Variants in ADAMTS7 observed in about 807,000 individuals in gnomAD.
ADAMTS7 encodes A disintegrin and metalloproteinase with thrombospondin motifs 7.
ADAMTS7 carries 89 observed loss-of-function variants against 172.6 expected under a neutral mutation model. That is an observed-to-expected ratio of 0.52 (90% CI 0.43 to 0.61). The LOEUF (loss-of-function observed/expected upper bound fraction) is 0.61. ADAMTS7 is among the 20% of genes least tolerant of loss of function. The pLI is 0.00. For synonymous variants in ADAMTS7, 885 were observed against 978.4 expected (o/e 0.90, Z 1.78); for missense variants, 1,973 against 2,355.6 (o/e 0.84, Z 3.36).
At chr15:78,802,814 T>C (rs997546248) in intron 1 of ADAMTS7, among the ~76,000 whole-genome samples, 3 of 152,054 alleles carry the variant, frequency 2.0e-5, no homozygotes, top group African/African-American at 7.2e-5. Flanking sequence ...CTGGCCAACA[T>C]AGTGAAACCC....
chr15:78,777,576 G>T lies in ADAMTS7; in HGVS notation c.1335C>A (p.Gly445=). 4 of 1,605,718 alleles carry T rather than the reference G, an allele frequency of 2.5e-6. No homozygotes were observed. The highest frequency in any genetic ancestry group is 3.4e-6 in the Non-Finnish European group (4 of 1,176,432). The change falls in exon 9 of 24, where the codon GGC becomes GGA. Residue 445 remains glycine, a synonymous_variant. Coordinates refer to ENST00000388820, the MANE Select transcript of ADAMTS7 (RefSeq NM_014272.5). The part of the protein sequence containing the change: ...YITRFLDRGW[G]LCLDDPPAKD... ...TGGCAGGAGGGTCGTCCAGGCACAG[G>T]CCCCACCCACGGCTAAAGATGGGAC... is the stretch of plus-strand genomic sequence containing the variant.
rs1158483190 is a variant in ADAMTS7, at chr15:78,766,954, T to C, written c.2957A>G (p.Glu986Gly). The C allele has an allele frequency of 6.2e-7, 1 of 1,610,696 alleles. No individual in the cohort carries two copies. Among genetic ancestry groups the C allele is most frequent in the Non-Finnish European group, 8.5e-7 (1 of 1,179,472 alleles). ...ACAGAGTGGCAGAGAGCAGGTGACT[T>C]CGCTGGCTGGCTGCTGGGCCTCGTC... ...PCDEAQQPAS[E>G]VTCSLPLCRW... The change falls in exon 19 of 24, where the codon GAA becomes GGA. Residue 986 changes from glutamate (E) to glycine (G), a missense_variant. Transcript: ENST00000388820.
intron 1 of ADAMTS7, 182 bp downstream of exon 1, chr15:78,810,939 C>T: frequency 1.6e-6 from 1 of 614,970 alleles, no homozygotes; most frequent in Non-Finnish European, 2.3e-6. Flanking sequence ...AGCGCGGCTT[C>T]GCTCCCGGCC....
Position 78,764,041 on chromosome 15 carries a change from C to G in ADAMTS7, c.4478G>C (p.Arg1493Pro), listed in dbSNP as rs750358699. Residue 1493 changes from arginine to proline, a missense_variant, in exon 21 of 24, where the codon CGG becomes CCG. This residue lies in a region of ADAMTS7 where 218 missense variants were observed against 216.9 expected (regional missense o/e 1.01). Coordinates refer to ENST00000388820, the MANE Select transcript of ADAMTS7 (RefSeq NM_014272.5). ...SVRDVQCVDT[R>P]DLRPLRPFHC... ...GAAGGGCCGCAGTGGCCGGAGGTCCCGTGTGTCCACACACTGCACGTCCCG... is the reference window on the plus strand; with the variant it reads ...GAAGGGCCGCAGTGGCCGGAGGTCCGGTGTGTCCACACACTGCACGTCCCG... 2.6e-5 allele frequency: 40 copies of G among 1,539,246 alleles called. No homozygotes were observed. Among genetic ancestry groups the G allele is most frequent in the Non-Finnish European group, 3.2e-5 (36 of 1,141,734 alleles).
At position 78,788,247 on chromosome 15, in the gene ADAMTS7, T is replaced by C; in HGVS notation, c.1306A>G (p.Ile436Val). Residue 436 changes from isoleucine (I) to valine (V), a missense_variant, in exon 8 of 24, where the codon ATC (isoleucine) becomes GTC (valine). Physicochemically the swap from Ile to Val is conservative, Grantham distance 29. Coordinates refer to ENST00000388820, the MANE Select transcript of ADAMTS7 (RefSeq NM_014272.5). Reference sequence around the variant, plus strand: ...GGGACTTACTCAAGGAACCTGGTGATATACTGGCGGCTGCAGCGGGACCAG... The same window carrying C: ...GGGACTTACTCAAGGAACCTGGTGACATACTGGCGGCTGCAGCGGGACCAG... ...LTWSRCSRQY[I>V]TRFLDRGWGL... 3 of 1,613,680 alleles carry C rather than the reference T, an allele frequency of 1.9e-6. No individual in the cohort carries two copies. Among genetic ancestry groups the C allele is most frequent in the Non-Finnish European group, 2.5e-6 (3 of 1,179,988 alleles).
intron 7 of ADAMTS7, among the ~76,000 whole-genome samples, chr15:78,788,789 C>A (rs2055540928): frequency 6.6e-6 from 1 of 152,250 alleles, no homozygotes. Flanking sequence ...GTTAAGGGAT[C>A]TGAGCTGCTG....
chr15:78,763,947 C>G lies in ADAMTS7; in HGVS notation c.4572G>C (p.Trp1524Cys). Residue 1524 changes from tryptophan (W) to cysteine (C), a missense_variant, in exon 21 of 24, where the codon TGG becomes TGC. Trp to Cys is a radical substitution (Grantham distance 215, BLOSUM62 -2). This residue lies in a region of ADAMTS7 where 218 missense variants were observed against 216.9 expected (regional missense o/e 1.01). Transcript: ENST00000388820. ...RPCGAQPCLS[W>C]YTSSWRECSE... is the part of the protein sequence containing the mutation. ...TCACCTCCCTCCAGGAAGATGTGTA[C>G]CAGCTGAGGCAGGGCTGGGCCCCGC... is the stretch of plus-strand genomic sequence containing the variant. 6.5e-7 allele frequency: 1 copy of G among 1,546,662 alleles called. No homozygotes were observed. Among genetic ancestry groups the G allele is most frequent in the Non-Finnish European group, 8.7e-7 (1 of 1,144,988 alleles).
intron 5 of ADAMTS7, 35 bp from the exon 6 acceptor site, chr15:78,790,829 C>G (rs1242245127): frequency 6.2e-7 from 1 of 1,610,058 alleles, no homozygotes; most frequent in Non-Finnish European, 8.5e-7. Context: ...CATGCCTCCC[C>G]TGAGTTCCAA....
intron 1 of ADAMTS7, among the ~76,000 whole-genome samples, chr15:78,809,290 G>A (rs188926251): frequency 3.3e-5 from 5 of 152,280 alleles, no homozygotes; most frequent in Admixed American, 2.6e-4. Context: ...GTGGTAGGAG[G>A]AGCCCCAGGC....
Position 78,800,310 on chromosome 15 carries a change from C to G in ADAMTS7, c.338G>C (p.Arg113Pro). The change falls in exon 2 of 24, where the codon CGC (arginine) becomes CCC (proline). Residue 113 changes from arginine to proline, a missense_variant. Physicochemically the swap from Arg to Pro is moderately radical, Grantham distance 103. This residue lies in a region of ADAMTS7 where 306 missense variants were observed against 288.0 expected (regional missense o/e 1.06). Transcript: ENST00000388820. The part of the protein sequence containing the change: ...APGFVSETRR[R>P]GGLGRAHIRA... ...GATGTGCGCGCGGCCCAGGCCGCCGCGCCGCCGCGTCTCGCTCACAAAGCC... is the reference window on the plus strand; with the variant it reads ...GATGTGCGCGCGGCCCAGGCCGCCGGGCCGCCGCGTCTCGCTCACAAAGCC... 6.3e-7 allele frequency: 1 copy of G among 1,590,868 alleles called. No individual in the cohort carries two copies. The highest frequency in any genetic ancestry group is 8.5e-7 in the Non-Finnish European group (1 of 1,172,550).
intron 8 of ADAMTS7, 92 bp downstream of exon 8, chr15:78,788,139 A>C (rs1596192572): frequency 6.5e-7 from 1 of 1,531,312 alleles, no homozygotes; most frequent in Non-Finnish European, 8.9e-7. Context: ...GCTTCCCTCT[A>C]CCCCGGCCCT....
At chr15:78,763,091 G>A (rs567029356) in intron 22 of ADAMTS7, among the ~76,000 whole-genome samples, 46 of 152,294 alleles carry the variant, frequency 3.0e-4, no homozygotes, top group East Asian at 1.3e-3. Flanking sequence ...GTGCTTCGTT[G>A]CGTTCCTTCA....
intron 1 of ADAMTS7, among the ~76,000 whole-genome samples, chr15:78,810,278 A>G (rs975765872): frequency 6.6e-6 from 1 of 152,192 alleles, no homozygotes; most frequent in African/African-American, 2.4e-5. Context: ...GCTCTATTGC[A>G]GGACTCTCCC....
In ADAMTS7 at chr15:78,771,693, C is replaced by T; in HGVS notation, c.2268G>A (p.Gln756=). The part of the protein sequence containing the change: ...KYFLNGGWTI[Q]WNGDYQVAGT... ...CTGCCACCTGGTAGTCCCCGTTCCACTGGATGGTCCAGCCACCATTGAGGA... is the reference window on the plus strand; with the variant it reads ...CTGCCACCTGGTAGTCCCCGTTCCATTGGATGGTCCAGCCACCATTGAGGA... The change falls in exon 15 of 24, where the codon CAG becomes CAA. Residue 756 remains glutamine (Q), a synonymous_variant. Coordinates refer to ENST00000388820, the MANE Select transcript of ADAMTS7 (RefSeq NM_014272.5). This position sits in a 1 kb window ranked among gnomAD's most constrained non-coding sequence, Gnocchi z 4.9. 2 of 1,606,220 alleles carry T rather than the reference C, an allele frequency of 1.2e-6. No individual in the cohort carries two copies.
At position 78,811,147 on chromosome 15, in the gene ADAMTS7, G is replaced by T; in HGVS notation, c.74C>A (p.Ala25Asp). 1 of 1,230,310 alleles carries T rather than the reference G, an allele frequency of 8.1e-7. No homozygotes were observed. Among genetic ancestry groups the T allele is most frequent in the South Asian group, 4.1e-5 (1 of 24,312 alleles). The allele number at this position is 1,230,310 out of a possible 1,614,324, so 76.2% of individuals were successfully genotyped here. A position where few individuals can be genotyped will look rare whatever the true frequency, so the allele number is the denominator to read the frequency against. Residue 25 changes from alanine to aspartate, a missense_variant, in exon 1 of 24, where the codon GCT becomes GAT. Around this residue, in one of 8 missense-constraint regions of ADAMTS7, gnomAD observed 306 missense variants for 288.0 expected, o/e 1.06. Coordinates refer to ENST00000388820, the MANE Select transcript of ADAMTS7 (RefSeq NM_014272.5). Reference sequence around the variant, plus strand: ...TGGTGCGGGTCCGGGGGCGCCGGGAGCCAGAGCGCAGAGGAGCAGGAGGAG... The same window carrying T: ...TGGTGCGGGTCCGGGGGCGCCGGGATCCAGAGCGCAGAGGAGCAGGAGGAG... Reference protein sequence around the residue: ...RPLLLLLCALAPGAPGPAPGR... With the variant: ...RPLLLLLCALDPGAPGPAPGR...
chr15:78,761,856 C>T (rs1180534327), intron 23 of ADAMTS7: 12 of 985,246 alleles, frequency 1.2e-5, no homozygotes, highest in Non-Finnish European at 1.3e-5. Context: ...AGGAAACCCC[C>T]CACCACTGGG....
At chr15:78,764,308 G>T (rs1333693179) in intron 20 of ADAMTS7, among the ~76,000 whole-genome samples, 1 of 152,260 alleles carries the variant, frequency 6.6e-6, no homozygotes, top group Non-Finnish European at 1.5e-5. Context: ...ACAGAGAAAG[G>T]GAGGAACAAA....
At position 78,771,169 on chromosome 15, in the gene ADAMTS7, G is replaced by A. The variant is rs771994802; in HGVS notation, c.2511C>T (p.Cys837=). The A allele has an allele frequency of 2.4e-5, 39 of 1,607,726 alleles. No individual in the cohort carries two copies. The highest frequency in any genetic ancestry group is 4.3e-4 in the Middle Eastern group (2 of 4,644). The change falls in exon 16 of 24, where the codon TGC becomes TGT. Residue 837 remains cysteine (C), a synonymous_variant. Coordinates refer to ENST00000388820, the MANE Select transcript of ADAMTS7 (RefSeq NM_014272.5). This position sits in a 1 kb window ranked among gnomAD's most constrained non-coding sequence, Gnocchi z 4.9. ...GCCTGCCCCACTTCTCACCTCTGCC[G>A]CAGGTGACTGTGCACTTGGTCCAGG... ...YGPWTKCTVT[C]GRGVQRQNVY...
chr15:78,789,583 C>G (rs1472531785), intron 7 of ADAMTS7, 106 bp downstream of exon 7: 18 of 1,452,968 alleles, frequency 1.2e-5, no homozygotes, highest in African/African-American at 2.8e-5. Flanking sequence ...TTCCAGAGAG[C>G]TTCCTTTCCC....
Sources: gnomAD v4.1 joint callset for allele counts (sites outside exome capture counted in the v4.1 genomes callset) on GRCh38, gnomAD v4.1.1 for gene constraint, gnomAD v4.1.1 regional missense constraint, Gnocchi (gnomAD v3.1) non-coding constraint, MANE v1.5 for transcripts, NCBI Gene and HGNC (gene_info 2026-07-23, HGNC 2026-07-21) for gene names.